AFF1: variants seen among roughly 807,000 people sequenced by gnomAD.
AFF1 encodes ALF transcription elongation factor 1.
AFF1 carries 48 observed loss-of-function variants against 121.7 expected under a neutral mutation model. The observed-to-expected ratio is 0.39, with a 90% CI of 0.31 to 0.50. AFF1 has a LOEUF of 0.50. Among genes scored for constraint, AFF1 ranks in the 20% least tolerant of loss-of-function variants. The probability of loss-of-function intolerance (pLI) is 0.76; values close to 1 mark genes in which losing one functional copy is unlikely to be tolerated. For missense variants in AFF1, 1,523 were observed against 1,511.7 expected (o/e 1.01, Z -0.12); for synonymous variants, 613 against 563.0 (o/e 1.09, Z -1.26).
At chr4:87,053,071 T>A (rs1245026815) in intron 4 of AFF1, among the ~76,000 whole-genome samples, 1 of 152,184 alleles carries the variant, frequency 6.6e-6, no homozygotes, top group Non-Finnish European at 1.5e-5. Context: ...AGTCTAACTC[T>A]GGGAAAATGT....
chr4:87,137,514 A>G lies in AFF1; in HGVS notation c.*1813A>G, dbSNP rs1420995097. On this transcript the variant is annotated 3_prime_UTR_variant, in exon 21 of 21. Transcript: ENST00000395146. ...CACTAAGTCAGAGGTCTGGTCCCTCATGTTTAGGTGAAAGCCAGAGAATGA... is the reference window on the plus strand; with the variant it reads ...CACTAAGTCAGAGGTCTGGTCCCTCGTGTTTAGGTGAAAGCCAGAGAATGA... 1.3e-5 allele frequency: 3 copies of G among 230,838 alleles called. No individual in the cohort carries two copies. The highest frequency in any genetic ancestry group is 6.1e-5 in the East Asian group (1 of 16,268). 14.3% of individuals were successfully genotyped at this position (230,838 alleles called of 1,614,324 possible). A position where few individuals can be genotyped will look rare whatever the true frequency, so the allele number is the denominator to read the frequency against.
At chr4:87,044,425 T>C (rs547173095) in intron 2 of AFF1, among the ~76,000 whole-genome samples, 1 of 152,280 alleles carries the variant, frequency 6.6e-6, no homozygotes, top group African/African-American at 2.4e-5. Context: ...CTGATGGAGT[T>C]CACATGCTAG....
chr4:87,075,853 A>G (rs919894810), intron 4 of AFF1, among the ~76,000 whole-genome samples: 1 of 152,358 alleles, frequency 6.6e-6, no homozygotes, highest in South Asian at 2.1e-4. Context: ...GAAATTCACC[A>G]TAAAACTCTA....
At chr4:87,107,716 G>C (rs1015906771) in intron 10 of AFF1, among the ~76,000 whole-genome samples, 3 of 152,182 alleles carry the variant, frequency 2.0e-5, no homozygotes, top group Middle Eastern at 3.2e-3. Context: ...TTTAGGCTTT[G>C]TGGGCCATAT....
chr4:87,037,432 C>T (rs1362401136), intron 2 of AFF1, among the ~76,000 whole-genome samples: 2 of 152,098 alleles, frequency 1.3e-5, no homozygotes, highest in African/African-American at 4.8e-5. Context: ...CTGAGTCAGC[C>T]TTCTGAGTAG....
chr4:86,945,217 C>G lies in AFF1; in HGVS notation c.-36-3281C>G, dbSNP rs1034371320. On this transcript the variant is annotated intron_variant, in intron 1 of 20. Coordinates refer to ENST00000395146, the MANE Select transcript of AFF1 (RefSeq NM_001166693.3). ...GGAGGCTGATAGAGCTTAACTTGTCCAAGGTGATCATGCAGCTCACTTGAG... is the reference window on the plus strand; with the variant it reads ...GGAGGCTGATAGAGCTTAACTTGTCGAAGGTGATCATGCAGCTCACTTGAG... 2.6e-5 allele frequency among the ~76,000 whole-genome samples: 4 copies of G among 152,138 alleles called. No individual in the cohort carries two copies. In the East Asian group the frequency reaches 7.7e-4, roughly 29 times the overall value.
chr4:87,079,634 T>C (rs1722981613), intron 4 of AFF1, among the ~76,000 whole-genome samples: 2 of 152,376 alleles, frequency 1.3e-5, no homozygotes, highest in South Asian at 4.1e-4. Context: ...ATAACAGTAT[T>C]CTGAGCCAGC....
chr4:86,988,412 A>G (rs1724456263), intron 2 of AFF1, among the ~76,000 whole-genome samples: 1 of 152,092 alleles, frequency 6.6e-6, no homozygotes, highest in African/African-American at 2.4e-5. Context: ...TTTGAGTAAA[A>G]ACATGCGATA....
intron 2 of AFF1, among the ~76,000 whole-genome samples, chr4:87,025,411 A>G (rs1728425412): frequency 6.6e-6 from 1 of 152,226 alleles, no homozygotes; most frequent in Non-Finnish European, 1.5e-5. Context: ...TGTACCTGGC[A>G]GTGACAGCAT....
rs576368801 is a variant in AFF1, at chr4:86,967,147, G to A, written c.38+18576G>A. 2.0e-4 allele frequency among the ~76,000 whole-genome samples: 31 copies of A among 152,306 alleles called. No homozygotes were observed. In the South Asian group the frequency reaches 2.1e-3, roughly 10 times the overall value. On this transcript the variant is annotated intron_variant, in intron 2 of 20. Transcript: ENST00000395146. ...TACAGGGTTTTACAGGAACATGTAG[G>A]AGTAGTACCTCAGCATAGATTTGAG...
chr4:87,019,886 G>GGT lies in AFF1; in HGVS notation c.39-26279_39-26278insTG, dbSNP rs1553918049. Among the ~76,000 whole-genome samples the GGT allele has an allele frequency of 5.1e-4, 54 of 106,572 alleles. 2 individuals carry two copies. The highest frequency in any genetic ancestry group is 1.9e-3 in the African/African-American group (51 of 26,680). The allele number at this position is 106,572 out of a possible 152,430, so 69.9% of individuals were successfully genotyped here. ...CTGTGACTGGTGTCTGAAGGGGTCGGGGGGGGGCAGTCTTGGGGACTGAGC... is the reference window on the plus strand; with the variant it reads ...CTGTGACTGGTGTCTGAAGGGGTCGGGTGGGGGGGCAGTCTTGGGGACTGAGC... On this transcript the variant is annotated intron_variant, in intron 2 of 20. Transcript: ENST00000395146.
At chr4:87,055,163 A>C (rs1719980706) in intron 4 of AFF1, among the ~76,000 whole-genome samples, 1 of 152,148 alleles carries the variant, frequency 6.6e-6, no homozygotes, top group Admixed American at 6.5e-5. Context: ...TTTTTTGTAG[A>C]GACAAGGTCT....
At chr4:86,974,261 C>T (rs1194378402) in intron 2 of AFF1, among the ~76,000 whole-genome samples, 1 of 152,124 alleles carries the variant, frequency 6.6e-6, no homozygotes, top group Non-Finnish European at 1.5e-5. Context: ...GATTCTCCTG[C>T]CTCAGCCTCC....
intron 4 of AFF1, among the ~76,000 whole-genome samples, chr4:87,072,279 C>T (rs551598893): frequency 3.4e-5 from 5 of 148,436 alleles, no homozygotes; most frequent in East Asian, 2.0e-4. Context: ...AGGAGAATGG[C>T]GTGAACCCGG....
chr4:86,998,628 T>G (rs1009848685), intron 2 of AFF1, among the ~76,000 whole-genome samples: 6 of 149,518 alleles, frequency 4.0e-5, no homozygotes, highest in South Asian at 2.1e-4. Context: ...ATTGTACCTG[T>G]TTTTTTTTCC....
At chr4:87,125,204 A>G (rs994573312) in intron 13 of AFF1, 61 bp downstream of exon 13, 2 of 1,283,334 alleles carry the variant, frequency 1.6e-6, no homozygotes, top group African/African-American at 3.0e-5. Flanking sequence ...GGGTCTTGAC[A>G]TAGCAAAGAA....
At position 87,138,011 on chromosome 4, in the gene AFF1, G is replaced by A; in HGVS notation, c.*2310G>A. 4.4e-6 allele frequency: 1 copy of A among 226,904 alleles called. No homozygotes were observed. The highest frequency in any genetic ancestry group is 6.1e-5 in the East Asian group (1 of 16,340). The allele number at this position is 226,904 out of a possible 1,614,324, so 14.1% of individuals were successfully genotyped here. On this transcript the variant is annotated 3_prime_UTR_variant, in exon 21 of 21. Coordinates refer to ENST00000395146, the MANE Select transcript of AFF1 (RefSeq NM_001166693.3). The stretch of plus-strand genomic sequence containing the variant: ...CTCTAAAACAGATTGCTTTTTCAGT[G>A]GCCTTACTCTTTGTGGGTTTTTTTT...
intron 2 of AFF1, among the ~76,000 whole-genome samples, chr4:86,987,329 G>A (rs960635845): frequency 6.6e-6 from 1 of 152,162 alleles, no homozygotes; most frequent in African/African-American, 2.4e-5. Flanking sequence ...TCTGGGGGCA[G>A]GAACTTCAGG....
chr4:87,092,637 T>C (rs1045830358), intron 7 of AFF1, among the ~76,000 whole-genome samples: 1 of 152,124 alleles, frequency 6.6e-6, no homozygotes, highest in Non-Finnish European at 1.5e-5. Flanking sequence ...CTACAAAGTA[T>C]AGCACAAAAA....
Sources: gnomAD v4.1 joint callset for allele counts (sites outside exome capture counted in the v4.1 genomes callset) on GRCh38, gnomAD v4.1.1 for gene constraint, MANE v1.5 for transcripts, NCBI Gene and HGNC (gene_info 2026-07-23, HGNC 2026-07-21) for gene names.